STIM2: variants seen among roughly 807,000 people sequenced by gnomAD.
STIM2 encodes the protein stromal interaction molecule 2.
STIM2 carries 31 observed loss-of-function variants against 85.8 expected under a neutral mutation model. The observed-to-expected ratio is 0.36, with a 90% CI of 0.27 to 0.49. The LOEUF (loss-of-function observed/expected upper bound fraction) is 0.49. STIM2 is among the 20% of genes least tolerant of loss of function. The pLI is 0.98. For missense variants in STIM2, 841 were observed against 927.6 expected (o/e 0.91, Z 1.21); for synonymous variants, 356 against 331.1 (o/e 1.08, Z -0.82).
intron 2 of STIM2, among the ~76,000 whole-genome samples, chr4:26,953,164 A>G (rs1726119598): frequency 6.6e-6 from 1 of 152,094 alleles, no homozygotes; most frequent in Non-Finnish European, 1.5e-5. Flanking sequence ...CATCCCTGTT[A>G]TGTATTTTGT....
At chr4:26,891,029 C>T (rs992029590) in intron 1 of STIM2, among the ~76,000 whole-genome samples, 10 of 152,180 alleles carry the variant, frequency 6.6e-5, no homozygotes, top group Admixed American at 6.5e-4. Flanking sequence ...CTTACAATGG[C>T]AGCCTAGTCT....
intron 2 of STIM2, among the ~76,000 whole-genome samples, chr4:26,934,538 G>C (rs1160089893): frequency 6.6e-6 from 1 of 152,188 alleles, no homozygotes; most frequent in Non-Finnish European, 1.5e-5. Context: ...ATTAGTTGCT[G>C]ACCTTTTAAT....
At chr4:27,012,784 T>A (rs185652257) in intron 10 of STIM2, among the ~76,000 whole-genome samples, 53 of 152,214 alleles carry the variant, frequency 3.5e-4, no homozygotes, top group African/African-American at 1.3e-3. Flanking sequence ...GTATTTTTTT[T>A]AATGTTTTTG....
rs116522032 is a variant in STIM2, at chr4:26,969,284, A to C, written c.397+11558A>C. 3.8e-3 allele frequency among the ~76,000 whole-genome samples: 577 copies of C among 152,316 alleles called. 6 individuals are homozygous for C. Among genetic ancestry groups the C allele is most frequent in the African/African-American group, 0.013 (559 of 41,564 alleles). ...AAGGGGATGGAGGCGGGTTGGGGAA[A>C]GTGGCAGTGGAGGGGCAAGTAATTA... On this transcript the variant is annotated intron_variant, in intron 3 of 11. Coordinates refer to ENST00000467087, the MANE Select transcript of STIM2 (RefSeq NM_020860.4).
chr4:27,021,698 TG>T (rs1402830265), intron 11 of STIM2: 1 of 448,208 alleles, frequency 2.2e-6, no homozygotes, highest in Non-Finnish European at 4.5e-6. Flanking sequence ...AGAATGAGAA[TG>T]AAAGCAGGAA....
intron 10 of STIM2, among the ~76,000 whole-genome samples, chr4:27,014,430 A>G (rs760050132): frequency 4.6e-5 from 7 of 151,730 alleles, no homozygotes; most frequent in Admixed American, 1.3e-4. Context: ...TTGAAATATG[A>G]ATTATCTAGA....
intron 1 of STIM2, among the ~76,000 whole-genome samples, chr4:26,870,910 T>G (rs1342432645): frequency 6.6e-6 from 1 of 152,118 alleles, no homozygotes; most frequent in African/African-American, 2.4e-5. Context: ...CCTTTTTTTT[T>G]TTTTTTAAAT....
intron 3 of STIM2, among the ~76,000 whole-genome samples, chr4:26,988,300 A>G (rs1727653209): frequency 6.6e-6 from 1 of 152,232 alleles, no homozygotes; most frequent in Non-Finnish European, 1.5e-5. Flanking sequence ...CAAGGAGCAC[A>G]AAGAAGAGCA....
intron 2 of STIM2, among the ~76,000 whole-genome samples, chr4:26,950,619 G>T (rs1389361701): frequency 1.3e-5 from 2 of 152,168 alleles, no homozygotes; most frequent in Non-Finnish European, 2.9e-5. Context: ...ACCAGATGAT[G>T]CTGGTGCCTT....
intron 3 of STIM2, among the ~76,000 whole-genome samples, chr4:26,993,702 C>T (rs1727846981): frequency 1.3e-5 from 2 of 152,158 alleles, no homozygotes; most frequent in Admixed American, 1.3e-4. Context: ...CACTTACATC[C>T]TTCCCTTTGC....
At chr4:26,873,017 G>A (rs953953559) in intron 1 of STIM2, among the ~76,000 whole-genome samples, 5 of 152,154 alleles carry the variant, frequency 3.3e-5, no homozygotes, top group Non-Finnish European at 7.3e-5. Flanking sequence ...TGAGGGAGGG[G>A]GAATGTTGGA....
intron 2 of STIM2, among the ~76,000 whole-genome samples, chr4:26,928,404 T>C (rs1446117980): frequency 1.3e-5 from 2 of 152,250 alleles, no homozygotes; most frequent in Admixed American, 6.5e-5. Context: ...GTGCATGATA[T>C]ATACACAGAG....
intron 3 of STIM2, 21 bp from the exon 4 acceptor site, chr4:26,995,358 T>C: frequency 7.2e-7 from 1 of 1,386,470 alleles, no homozygotes; most frequent in Non-Finnish European, 9.9e-7. Context: ...AAAATATGCA[T>C]TCCCCTTTTA....
intron 1 of STIM2, 48 bp downstream of exon 1, chr4:26,861,417 A>AC (rs1375531543): frequency 3.2e-6 from 4 of 1,263,902 alleles, no homozygotes; most frequent in Non-Finnish European, 4.0e-6. Context: ...CAGCGATGGG[A>AC]CCCCCAACCC....
chr4:27,004,966 G>A (rs191441054), intron 7 of STIM2, among the ~76,000 whole-genome samples: 103 of 152,260 alleles, frequency 6.8e-4, no homozygotes, highest in Non-Finnish European at 1.9e-4. Context: ...GTGTAGAGAG[G>A]CTAGATAACT....
In STIM2 at chr4:26,861,353, C is replaced by G; in HGVS notation, c.135C>G (p.Ser45Arg). The change falls in exon 1 of 12, where the codon AGC (serine) becomes AGG (arginine). Residue 45 changes from serine to arginine, a missense_variant. Physicochemically the swap from Ser to Arg is moderately radical, Grantham distance 110. Around this residue, in one of 3 missense-constraint regions of STIM2, gnomAD observed 140 missense variants for 117.7 expected, o/e 1.19. Coordinates refer to ENST00000467087, the MANE Select transcript of STIM2 (RefSeq NM_020860.4). ...CTCCCGCCGCGGCGGCCGGCGATAG[C>G]CCGGCGCTCATGACAGGTGAGGGGC... 6 of 1,359,304 alleles carry G rather than the reference C, an allele frequency of 4.4e-6. No homozygotes were observed. In the South Asian group the frequency reaches 1.0e-4, roughly 24 times the overall value. The allele number at this position is 1,359,304 out of a possible 1,614,324, so 84.2% of individuals were successfully genotyped here.
chr4:26,916,340 A>G (rs778190291), intron 1 of STIM2, among the ~76,000 whole-genome samples: 1 of 152,162 alleles, frequency 6.6e-6, no homozygotes, highest in Non-Finnish European at 1.5e-5. Flanking sequence ...AAACTTGGCA[A>G]AACACCAAAC....
rs74522957 is a variant in STIM2, at chr4:26,942,993, C to A, written c.283-14619C>A. 7.9e-3 allele frequency among the ~76,000 whole-genome samples: 1,199 copies of A among 152,172 alleles called. 16 individuals carry two copies. The highest frequency in any genetic ancestry group is 0.027 in the African/African-American group (1,115 of 41,518). On this transcript the variant is annotated intron_variant, in intron 2 of 11. Transcript: ENST00000467087. ...TCCTGATTTCTTGCTTGACTCAAAT[C>A]TCTTCTCTCTTGTCTTTGTTTTTTA...
At chr4:26,885,726 AC>A (rs1238050656) in intron 1 of STIM2, among the ~76,000 whole-genome samples, 5 of 150,258 alleles carry the variant, frequency 3.3e-5, no homozygotes, top group Non-Finnish European at 1.5e-5. Flanking sequence ...TACCTTGGTT[AC>A]CAGGCTATGT....
Sources: gnomAD v4.1 joint callset for allele counts (sites outside exome capture counted in the v4.1 genomes callset) on GRCh38, gnomAD v4.1.1 for gene constraint, gnomAD v4.1.1 regional missense constraint, MANE v1.5 for transcripts, NCBI Gene and HGNC (gene_info 2026-07-23, HGNC 2026-07-21) for gene names.